The following AP3D1 variants were observed in gnomAD, a reference collection of about 807,000 sequenced individuals.
AP3D1 encodes the protein adaptor related protein complex 3 subunit delta 1.
AP3D1 carries 51 observed loss-of-function variants against 147.6 expected under a neutral mutation model. The observed-to-expected ratio is 0.35, with a 90% confidence interval of 0.28 to 0.44. The LOEUF (loss-of-function observed/expected upper bound fraction) is 0.44, where lower values mean the gene tolerates loss of function less well. Ranked by LOEUF, AP3D1 falls within the 20% of genes least tolerant of loss-of-function variation. AP3D1 has a pLI of 1.00. For missense variants in AP3D1, 1,421 were observed against 1,624.2 expected (o/e 0.87, Z 2.15); for synonymous variants, 760 against 663.0 (o/e 1.15, Z -2.25).
chr19:2,144,588 T>C (rs1046218387), intron 1 of AP3D1, among the ~76,000 whole-genome samples: 5 of 152,082 alleles, frequency 3.3e-5, no homozygotes, highest in African/African-American at 1.2e-4. Flanking sequence ...TGGATGTCTG[T>C]GGGGTGGCAC....
At chr19:2,108,188 G>A (rs1274326150) in intron 31 of AP3D1, among the ~76,000 whole-genome samples, 3 of 152,194 alleles carry the variant, frequency 2.0e-5, no homozygotes, top group African/African-American at 4.8e-5. Flanking sequence ...GAAGCCACCA[G>A]AAAAGAAAAC....
exon 1 of AP3D1, chr19:2,164,366 T>C: frequency 1.3e-6 from 1 of 773,928 alleles, no homozygotes; most frequent in Non-Finnish European, 1.7e-6. Context: ...CGGTCCCCCC[T>C]GCGGAACGGA....
intron 1 of AP3D1, among the ~76,000 whole-genome samples, chr19:2,142,589 G>A (rs1308367092): frequency 1.3e-5 from 2 of 152,184 alleles, no homozygotes; most frequent in African/African-American, 2.4e-5. Context: ...AAAGACCAAC[G>A]AGCTGAGCCC....
In AP3D1 at chr19:2,111,701, G is replaced by A. The variant is rs201826090; in HGVS notation, c.2915C>T (p.Ala972Val). The A allele has an allele frequency of 2.6e-5, 42 of 1,597,146 alleles. No individual in the cohort carries two copies. Among genetic ancestry groups the A allele is most frequent in the Admixed American group, 5.2e-5 (3 of 58,130 alleles). ...EAAGEPVQNGAPEEEQLPPES... is the reference protein window; with the variant it reads ...EAAGEPVQNGVPEEEQLPPES... ...CACCGGGAGCTGCTCCTCCTCTGGC[G>A]CGCCATTCTGCACCGGCTCCCCCGC... The change falls in exon 25 of 32, where the codon GCG (alanine) becomes GTG (valine). Residue 972 changes from alanine to valine, a missense_variant. This residue lies in a region of AP3D1 where 791 missense variants were observed against 761.4 expected (regional missense o/e 1.04). Transcript: ENST00000643116.
upstream of AP3D1, among the ~76,000 whole-genome samples, chr19:2,156,064 A>G (rs2019643247): frequency 6.6e-6 from 1 of 152,032 alleles, no homozygotes; most frequent in Non-Finnish European, 1.5e-5. Context: ...AAAAAAAAAA[A>G]AAAGAAAAAA....
chr19:2,114,319 C>T lies in AP3D1; in HGVS notation c.2424-17G>A, dbSNP rs367836643. ...GCTAAGGGCCTGGAGGAGGAATGAC[C>T]GGGCCACACATCAGCACCACTGGCC... On this transcript the variant is annotated splice_polypyrimidine_tract_variant and intron_variant, in intron 21 of 31. Transcript: ENST00000643116. 4 of 1,605,136 alleles carry T rather than the reference C, an allele frequency of 2.5e-6. No individual in the cohort carries two copies. Among genetic ancestry groups the T allele is most frequent in the African/African-American group, 1.3e-5 (1 of 74,148 alleles).
At chr19:2,134,796 T>A (rs2019036721) in intron 4 of AP3D1, among the ~76,000 whole-genome samples, 1 of 149,110 alleles carries the variant, frequency 6.7e-6, no homozygotes, top group African/African-American at 2.5e-5. Context: ...AGACGGGGTT[T>A]CACCATGTTG....
At chr19:2,116,007 G>T (rs988271756) in intron 18 of AP3D1, among the ~76,000 whole-genome samples, 200 bp downstream of exon 18, 1 of 152,264 alleles carries the variant, frequency 6.6e-6, no homozygotes, top group Non-Finnish European at 1.5e-5. Flanking sequence ...GCAGGGAACA[G>T]GGCCCCCCGG....
At chr19:2,144,147 C>T (rs563148356) in intron 1 of AP3D1, among the ~76,000 whole-genome samples, 1 of 152,134 alleles carries the variant, frequency 6.6e-6, no homozygotes, top group Non-Finnish European at 1.5e-5. Context: ...GGGGACGCGC[C>T]GGCGAAGTGG....
intron 18 of AP3D1, among the ~76,000 whole-genome samples, 200 bp downstream of exon 18, chr19:2,116,007 G>C (rs988271756): frequency 2.6e-5 from 4 of 152,264 alleles, no homozygotes; most frequent in Admixed American, 2.0e-4. Flanking sequence ...GCAGGGAACA[G>C]GGCCCCCCGG....
intron 1 of AP3D1, among the ~76,000 whole-genome samples, chr19:2,163,850 G>C (rs532156912): frequency 1.3e-5 from 2 of 150,306 alleles, no homozygotes; most frequent in East Asian, 1.9e-4. Context: ...GGGTCGGCCC[G>C]CTGGGCGGCG....
At chr19:2,107,766 T>G (rs976235708) in intron 31 of AP3D1, among the ~76,000 whole-genome samples, 1 of 140,504 alleles carries the variant, frequency 7.1e-6, no homozygotes, top group African/African-American at 2.6e-5. Flanking sequence ...AAAAGTGCAA[T>G]AAAATGGTTC....
upstream of AP3D1, among the ~76,000 whole-genome samples, chr19:2,154,683 G>A (rs556088491): frequency 5.9e-5 from 9 of 152,298 alleles, no homozygotes; most frequent in Admixed American, 1.3e-4. Context: ...AATCTGATTG[G>A]GAGCCCAAAC....
chr19:2,114,622 G>GCCCCCCCCCCCCCCCCCCCCCCC, intron 21 of AP3D1, 126 bp downstream of exon 21: 2 of 665,750 alleles, frequency 3.0e-6, no homozygotes, highest in Middle Eastern at 3.5e-4. Flanking sequence ...TCTGGGGAAG[G>GCCCCCCCCCCCCCCCCCCCCCCC]CCCGCCCGCA....
At chr19:2,108,836 G>A (rs1352039742) in intron 30 of AP3D1, 70 bp from the exon 31 acceptor site, 11 of 1,502,774 alleles carry the variant, frequency 7.3e-6, no homozygotes, top group Non-Finnish European at 9.0e-6. Context: ...CAGAGCAGGG[G>A]CCACCTTCTT....
At chr19:2,157,455 A>AAAAAAAAAAAG (rs1555711640) in intron 1 of AP3D1, among the ~76,000 whole-genome samples, 6 of 148,656 alleles carry the variant, frequency 4.0e-5, no homozygotes, top group African/African-American at 1.5e-4. Context: ...AAAAAAAAAA[A>AAAAAAAAAAAG]AAAAAGAAAA....
rs765802494 is a variant in AP3D1 at position 2,111,877 on chromosome 19, C to T, written c.2788-49G>A. 6 of 1,608,860 alleles carry T rather than the reference C, an allele frequency of 3.7e-6. No individual in the cohort carries two copies. In the East Asian group the frequency reaches 6.7e-5, roughly 18 times the overall value. On this transcript the variant is annotated intron_variant, in intron 24 of 31. Coordinates refer to ENST00000643116, the MANE Select transcript of AP3D1 (RefSeq NM_001261826.3). ...TCAGTGCCCAGGCTGCTCCAGCACG[C>T]CCCCATCACAGTGTGAGGTCAGGAT... is the stretch of plus-strand genomic sequence containing the variant.
rs1001495018 is a variant in AP3D1 at position 2,132,001 on chromosome 19, G to A, written c.462+470C>T. ...ACAAAGGTCCCCTCATGAGCTGGAG[G>A]TTAAGTCAGGCACAAAACAGATGTT... is the stretch of plus-strand genomic sequence containing the variant. On this transcript the variant is annotated intron_variant, in intron 5 of 31. Coordinates refer to ENST00000643116, the MANE Select transcript of AP3D1 (RefSeq NM_001261826.3). Among the ~76,000 whole-genome samples the A allele has an allele frequency of 2.6e-5, 4 of 152,208 alleles. No homozygotes were observed. The South Asian group carries it at 6.2e-4, about 24-fold the overall frequency.
rs2144583701 is a variant in AP3D1, at chr19:2,151,361, G to C, written c.-27C>G. ...GCGGCGGCCCACGGGCTTTTGCCTC[G>C]GGAGGCCCGCGGCTGGGCGCCGTGA... On this transcript the variant is annotated 5_prime_UTR_variant, in exon 1 of 32. Transcript: ENST00000643116. 3 of 1,506,516 alleles carry C rather than the reference G, an allele frequency of 2.0e-6. No individual in the cohort carries two copies. Among genetic ancestry groups the C allele is most frequent in the Non-Finnish European group, 2.7e-6 (3 of 1,119,162 alleles). The allele number at this position is 1,506,516 out of a possible 1,614,324, so 93.3% of individuals were successfully genotyped here. A position where few individuals can be genotyped will look rare whatever the true frequency, so the allele number is the denominator to read the frequency against.
Sources: allele counts gnomAD v4.1 joint callset (sites outside exome capture counted in the v4.1 genomes callset), GRCh38; gene constraint gnomAD v4.1.1; regional missense constraint gnomAD v4.1.1; transcripts MANE v1.5; gene names NCBI Gene and HGNC (gene_info 2026-07-23, HGNC 2026-07-21).